Variants in ENPEP observed in about 807,000 individuals in gnomAD.
The protein encoded by ENPEP is AP-A.
In ENPEP, 103 loss-of-function variants were observed where a neutral mutation model predicts 114.5. The observed-to-expected ratio is 0.90, with a 90% CI of 0.77 to 1.06. The LOEUF (loss-of-function observed/expected upper bound fraction) is 1.06, where lower values mean the gene tolerates loss of function less well. Ranked by LOEUF, ENPEP falls within the 50% of genes least tolerant of loss-of-function variation. The pLI, the probability that ENPEP is intolerant of heterozygous loss-of-function variation, is 0.00. For synonymous variants in ENPEP, 420 were observed against 422.0 expected (o/e 1.00, Z 0.06); for missense variants, 1,196 against 1,161.3 (o/e 1.03, Z -0.43).
At chr4:110,551,888 T>A (rs1727304025) in intron 17 of ENPEP, among the ~76,000 whole-genome samples, 1 of 152,172 alleles carries the variant, frequency 6.6e-6, no homozygotes, top group Admixed American at 6.6e-5. Flanking sequence ...TGATTTTTGC[T>A]GCTTTGGCCT....
chr4:110,483,445 G>A (rs1429100028), intron 1 of ENPEP, among the ~76,000 whole-genome samples: 1 of 152,080 alleles, frequency 6.6e-6, no homozygotes, highest in Non-Finnish European at 1.5e-5. Flanking sequence ...GATGATTTAT[G>A]AGATAATTAG....
intron 2 of ENPEP, among the ~76,000 whole-genome samples, chr4:110,489,776 C>T (rs1029762662): frequency 1.3e-5 from 2 of 152,172 alleles, no homozygotes; most frequent in African/African-American, 4.8e-5. Context: ...GGGTCAGCCT[C>T]ATCTTTAGGT....
chr4:110,516,412 C>A (rs1725771036), intron 8 of ENPEP, among the ~76,000 whole-genome samples: 1 of 152,122 alleles, frequency 6.6e-6, no homozygotes, highest in South Asian at 2.1e-4. Context: ...TGCAGGTTGG[C>A]CCCATTCCAG....
chr4:110,492,322 GA>G lies in ENPEP; in HGVS notation c.918+1159del, dbSNP rs1443763554. ...AAACTTAAATTCCAAACTCCTTCCA[GA>G]TACTGTATCTTGCTTAGCCTTCTGA... is the stretch of plus-strand genomic sequence containing the variant. On this transcript the variant is annotated intron_variant, in intron 3 of 19. Transcript: ENST00000265162. Among the ~76,000 whole-genome samples the G allele has an allele frequency of 2.0e-5, 3 of 152,324 alleles. No individual in the cohort carries two copies. The East Asian group carries it at 5.8e-4, about 29-fold the overall frequency.
At position 110,548,193 on chromosome 4, in the gene ENPEP, A is replaced by G. The variant is rs144934961; in HGVS notation, c.2018A>G (p.Tyr673Cys). Residue 673 changes from tyrosine to cysteine, a missense_variant, in exon 14 of 20, where the codon TAT (tyrosine) becomes TGT (cysteine). Tyr to Cys is a radical substitution (Grantham distance 194, BLOSUM62 -2). Coordinates refer to ENST00000265162, the MANE Select transcript of ENPEP (RefSeq NM_001977.4). ...FALARAQLLD[Y>C]KVALNLTKYL... ...TTTCTCAGAGCTCAACTTCTAGATT[A>G]TAAGGTGGCTTTGAACTTGACCAAG... 69 of 1,341,244 alleles carry G rather than the reference A, an allele frequency of 5.1e-5. No individual in the cohort carries two copies. Among genetic ancestry groups the G allele is most frequent in the Middle Eastern group, 2.1e-4 (1 of 4,844 alleles). The allele number at this position is 1,341,244 out of a possible 1,614,324, so 83.1% of individuals were successfully genotyped here.
chr4:110,553,394 A>T lies in ENPEP; in HGVS notation c.2581A>T (p.Ser861Cys). 6.2e-7 allele frequency: 1 copy of T among 1,611,692 alleles called. No homozygotes were observed. ...FTVIRYISYN[S>C]YGKNMAWNWI... is the part of the protein sequence containing the mutation. ...AGTCATTCGATATATCTCATATAAC[A>T]GCTATGGGAAGAACATGGCCTGGAA... is the stretch of plus-strand genomic sequence containing the variant. The change falls in exon 18 of 20, where the codon AGC (serine) becomes TGC (cysteine). Residue 861 changes from serine (S) to cysteine (C), a missense_variant. Physicochemically the swap from Ser to Cys is moderately radical, Grantham distance 112. Transcript: ENST00000265162.
At chr4:110,523,960 T>C (rs1189569667) in intron 10 of ENPEP, among the ~76,000 whole-genome samples, 1 of 152,186 alleles carries the variant, frequency 6.6e-6, no homozygotes, top group African/African-American at 2.4e-5. Flanking sequence ...CCAGTGGATA[T>C]CCTCATTTAA....
intron 10 of ENPEP, among the ~76,000 whole-genome samples, chr4:110,524,450 C>T (rs902635394): frequency 1.3e-5 from 2 of 152,168 alleles, no homozygotes; most frequent in Non-Finnish European, 2.9e-5. Flanking sequence ...ATAAATGTAA[C>T]CAAATTCTTC....
At position 110,563,872 on chromosome 4, in the gene ENPEP, CAG is replaced by C. The variant is rs888994260; in HGVS notation, c.*2315_*2316del. 17 of 152,104 alleles carry C rather than the reference CAG, an allele frequency of 1.1e-4. No homozygotes were observed. Among genetic ancestry groups the C allele is most frequent in the Middle Eastern group, 3.4e-3 (1 of 294 alleles). 9.4% of individuals were successfully genotyped at this position (152,104 alleles called of 1,614,324 possible). A position where few individuals can be genotyped will look rare whatever the true frequency, so the allele number is the denominator to read the frequency against. The stretch of plus-strand genomic sequence containing the variant: ...TGACAGGCAAGGGAGGTTTGGGAAA[CAG>C]GGGTGAGATGTATACCTGGGTTGAA... On this transcript the variant is annotated 3_prime_UTR_variant, in exon 20 of 20. Transcript: ENST00000265162.
chr4:110,516,982 C>T (rs192950231), intron 8 of ENPEP, among the ~76,000 whole-genome samples: 9 of 152,136 alleles, frequency 5.9e-5, no homozygotes, highest in African/African-American at 1.4e-4. Flanking sequence ...CTCGCTCTGT[C>T]GCCAAGGCTG....
intron 11 of ENPEP, 101 bp from the exon 12 acceptor site, chr4:110,542,650 A>C: frequency 1.6e-6 from 2 of 1,224,952 alleles, no homozygotes; most frequent in Non-Finnish European, 2.2e-6. Context: ...TTGAGCTAAT[A>C]TTTCTTTTCT....
chr4:110,550,940 C>A (rs1727265760), intron 17 of ENPEP, among the ~76,000 whole-genome samples: 2 of 151,888 alleles, frequency 1.3e-5, no homozygotes, highest in African/African-American at 4.8e-5. Flanking sequence ...CTGCTCTCTG[C>A]CATGACAGTT....
At chr4:110,481,937 C>T (rs975997960) in intron 1 of ENPEP, among the ~76,000 whole-genome samples, 2 of 151,716 alleles carry the variant, frequency 1.3e-5, no homozygotes, top group Non-Finnish European at 2.9e-5. Context: ...TAAAAGCAGG[C>T]AAAAAGGAAA....
chr4:110,513,936 A>G (rs1270266868), intron 7 of ENPEP, among the ~76,000 whole-genome samples: 5 of 152,134 alleles, frequency 3.3e-5, no homozygotes, highest in Non-Finnish European at 7.4e-5. Flanking sequence ...CTAGTAGAAC[A>G]TTTTAATGCC....
intron 3 of ENPEP, among the ~76,000 whole-genome samples, chr4:110,504,946 C>CA (rs1191279304): frequency 3.9e-5 from 6 of 152,136 alleles, no homozygotes; most frequent in Non-Finnish European, 7.3e-5. Context: ...TGTGCAGCAC[C>CA]AAAGCACTGA....
intron 11 of ENPEP, among the ~76,000 whole-genome samples, chr4:110,532,604 C>T (rs918568155): frequency 6.6e-6 from 1 of 151,894 alleles, no homozygotes; most frequent in Non-Finnish European, 1.5e-5. Flanking sequence ...CATGTTTTTT[C>T]CACCTTTGGG....
chr4:110,522,040 G>A (rs551634082), intron 10 of ENPEP, among the ~76,000 whole-genome samples: 1 of 151,760 alleles, frequency 6.6e-6, no homozygotes, highest in Non-Finnish European at 1.5e-5. Flanking sequence ...CACCACACCC[G>A]GCTAATTTTT....
chr4:110,501,050 C>T (rs939054123), intron 3 of ENPEP, among the ~76,000 whole-genome samples: 5 of 152,052 alleles, frequency 3.3e-5, no homozygotes, highest in Non-Finnish European at 5.9e-5. Context: ...TTACAGAAAC[C>T]ATGTTGGAGC....
In ENPEP at chr4:110,549,807, C is replaced by A; in HGVS notation, c.2422C>A (p.Gln808Lys). 1 of 1,613,320 alleles carries A rather than the reference C, an allele frequency of 6.2e-7. No individual in the cohort carries two copies. The highest frequency in any genetic ancestry group is 8.5e-7 in the Non-Finnish European group (1 of 1,179,532). The change falls in exon 17 of 20, where the codon CAG (glutamine) becomes AAG (lysine). Residue 808 changes from glutamine to lysine, a missense_variant. Transcript: ENST00000265162. ...ISWNYTLEQY[Q>K]KTSLAQEKEK... is the part of the protein sequence containing the mutation. ...ATGGAACTACACTCTTGAGCAATAC[C>A]AGAAAACTTCATTAGCTCAAGAAAA... is the stretch of plus-strand genomic sequence containing the variant.
Sources: allele counts gnomAD v4.1 joint callset (sites outside exome capture counted in the v4.1 genomes callset), GRCh38; gene constraint gnomAD v4.1.1; transcripts MANE v1.5; gene names NCBI Gene and HGNC (gene_info 2026-07-23, HGNC 2026-07-21).